KCNH1: variants seen among roughly 807,000 people sequenced by gnomAD.
The protein encoded by KCNH1 is voltage-gated delayed rectifier potassium channel KCNH1.
Under a neutral mutation model 69.2 loss-of-function variants are expected in KCNH1, and 27 were observed. The ratio of observed to expected loss-of-function variants is 0.39; its 90% confidence interval spans 0.29 to 0.54. The LOEUF (loss-of-function observed/expected upper bound fraction) is 0.54. Ranked by LOEUF, KCNH1 falls within the 20% of genes least tolerant of loss-of-function variation. The pLI, the probability that KCNH1 is intolerant of heterozygous loss-of-function variation, is 0.68. For missense variants in KCNH1, 798 were observed against 1,261.6 expected, an observed-to-expected ratio of 0.63 and a Z score of 5.57; for synonymous variants, 456 against 487.7, an observed-to-expected ratio of 0.93 and a Z score of 0.86.
intron 7 of KCNH1, among the ~76,000 whole-genome samples, chr1:210,826,541 C>T (rs1685035080): frequency 6.6e-6 from 1 of 152,176 alleles, no homozygotes. Context: ...ACACCTTACC[C>T]TTCATGTAAA....
At chr1:211,107,399 GA>G (rs780803193) in intron 1 of KCNH1, 22 bp from the exon 2 acceptor site, 8 of 1,567,318 alleles carry the variant, frequency 5.1e-6, no homozygotes, top group South Asian at 2.3e-5. Flanking sequence ...AAAAAAAAGG[GA>G]AAAAAGGGCA....
intron 10 of KCNH1, among the ~76,000 whole-genome samples, chr1:210,744,528 C>A (rs535446670): frequency 1.4e-4 from 22 of 152,188 alleles, no homozygotes; most frequent in Admixed American, 1.4e-3. Flanking sequence ...CCTGTAGTCC[C>A]AGCTACTCAG....
At chr1:211,033,066 A>T (rs1689821471) in intron 5 of KCNH1, among the ~76,000 whole-genome samples, 1 of 152,208 alleles carries the variant, frequency 6.6e-6, no homozygotes, top group Non-Finnish European at 1.5e-5. Flanking sequence ...AATTTACAAG[A>T]AAAAAACAAA....
At chr1:210,925,220 G>T (rs1409370790) in intron 6 of KCNH1, among the ~76,000 whole-genome samples, 1 of 152,214 alleles carries the variant, frequency 6.6e-6, no homozygotes, top group Non-Finnish European at 1.5e-5. Context: ...AAGAAACTCA[G>T]TGAGGATTGA....
At chr1:211,024,860 C>T (rs980374758) in intron 5 of KCNH1, among the ~76,000 whole-genome samples, 1 of 151,734 alleles carries the variant, frequency 6.6e-6, no homozygotes, top group Non-Finnish European at 1.5e-5. Context: ...ATGAGCCCAG[C>T]ATGCTGGCTG....
intron 1 of KCNH1, among the ~76,000 whole-genome samples, chr1:211,111,473 C>A (rs78357656): frequency 0.36 from 52,773 of 148,116 alleles, 9,733 homozygotes; most frequent in Middle Eastern, 0.45. Flanking sequence ...GCCCGGCCGC[C>A]CATCGTCTGG....
intron 7 of KCNH1, among the ~76,000 whole-genome samples, chr1:210,890,884 G>A (rs560238283): frequency 2.5e-4 from 38 of 152,258 alleles, no homozygotes; most frequent in African/African-American, 9.1e-4. Context: ...TAAAAAGTCA[G>A]GAAACAACAG....
chr1:211,055,430 G>A (rs1690286421), intron 5 of KCNH1, among the ~76,000 whole-genome samples: 3 of 152,202 alleles, frequency 2.0e-5, no homozygotes, highest in Admixed American at 2.0e-4. Context: ...AACAAGCCAT[G>A]CCACTGCAAG....
chr1:210,805,147 C>G (rs138225667), intron 7 of KCNH1, among the ~76,000 whole-genome samples: 1,598 of 152,234 alleles, frequency 0.01, 13 homozygotes, highest in South Asian at 0.019. Context: ...CAATCACGTG[C>G]TTCTTTCTTT....
chr1:211,002,847 C>T (rs999749592), intron 6 of KCNH1, among the ~76,000 whole-genome samples: 76 of 151,930 alleles, frequency 5.0e-4, no homozygotes, highest in African/African-American at 1.8e-3. Context: ...AAGAGTCAAC[C>T]GGGGTGTCCT....
At chr1:210,719,211 A>ATATT (rs1376266917) in intron 10 of KCNH1, among the ~76,000 whole-genome samples, 1 of 152,200 alleles carries the variant, frequency 6.6e-6, no homozygotes, top group Admixed American at 6.5e-5. Flanking sequence ...CAGTGCAAAT[A>ATATT]TATTTCCATC....
At chr1:211,078,494 T>A (rs1046005875) in intron 5 of KCNH1, among the ~76,000 whole-genome samples, 1 of 152,176 alleles carries the variant, frequency 6.6e-6, no homozygotes, top group Non-Finnish European at 1.5e-5. Context: ...ACATGGAAAC[T>A]GAACAACCTG....
At chr1:210,747,462 A>G (rs1444745690) in intron 10 of KCNH1, among the ~76,000 whole-genome samples, 2 of 152,210 alleles carry the variant, frequency 1.3e-5, no homozygotes, top group African/African-American at 2.4e-5. Flanking sequence ...GGAAGGGTGC[A>G]TAATATTAAA....
intron 3 of KCNH1, among the ~76,000 whole-genome samples, chr1:211,097,625 A>G (rs73075405): frequency 1.6e-3 from 244 of 152,340 alleles, no homozygotes; most frequent in African/African-American, 5.7e-3. Context: ...TGGCTCTACA[A>G]CTAGACTGTA....
chr1:210,996,292 G>A (rs1172094971), intron 6 of KCNH1, among the ~76,000 whole-genome samples: 2 of 152,180 alleles, frequency 1.3e-5, no homozygotes, highest in African/African-American at 4.8e-5. Context: ...CCCTAATAGT[G>A]CGCTTTTCCA....
chr1:211,073,957 T>C (rs1311998291), intron 5 of KCNH1, among the ~76,000 whole-genome samples: 1 of 151,930 alleles, frequency 6.6e-6, no homozygotes. Context: ...AATAAGCCTC[T>C]AGCCAGGCTA....
chr1:211,116,008 T>C (rs79403157), intron 1 of KCNH1, among the ~76,000 whole-genome samples: 2,268 of 152,064 alleles, frequency 0.015, 64 homozygotes, highest in African/African-American at 0.052. Context: ...CAATGGCATG[T>C]GCCCATAGTC....
In KCNH1 at chr1:211,081,977, TA is replaced by T. The variant is rs577894757; in HGVS notation, c.558+802del. 5.5e-4 allele frequency among the ~76,000 whole-genome samples: 84 copies of T among 151,794 alleles called. No homozygotes were observed. The East Asian group carries it at 9.7e-3, about 17-fold the overall frequency. ...AACTTAAAGTATAACAAAGAGAAGT[TA>T]AAAAATTAAAAAATAAAAAATAAAA... is the stretch of plus-strand genomic sequence containing the variant. On this transcript the variant is annotated intron_variant, in intron 5 of 10. Transcript: ENST00000271751.
intron 10 of KCNH1, among the ~76,000 whole-genome samples, chr1:210,719,963 G>A (rs1425557326): frequency 6.6e-6 from 1 of 152,138 alleles, no homozygotes; most frequent in African/African-American, 2.4e-5. Context: ...GTGTGTAAAT[G>A]TCTGTGTGTC....
Sources: gnomAD v4.1 joint callset for allele counts (sites outside exome capture counted in the v4.1 genomes callset) on GRCh38, gnomAD v4.1.1 for gene constraint, MANE v1.5 for transcripts, NCBI Gene and HGNC (gene_info 2026-07-23, HGNC 2026-07-21) for gene names.